Variants in DNER observed in about 807,000 individuals in gnomAD.
DNER encodes delta and Notch-like epidermal growth factor-related receptor.
DNER carries 33 observed loss-of-function variants against 78.2 expected under a neutral mutation model. The ratio of observed to expected loss-of-function variants is 0.42; its 90% CI spans 0.32 to 0.56. DNER has a LOEUF of 0.56. DNER is among the 20% of genes least tolerant of loss of function. The pLI is 0.11. For missense variants in DNER, 918 were observed against 975.3 expected (o/e 0.94, Z 0.78); for synonymous variants, 417 against 384.8 (o/e 1.08, Z -0.98).
At position 229,447,301 on chromosome 2, in the gene DNER, A is replaced by T; in HGVS notation, c.1486+15T>A. On this transcript the variant is annotated intron_variant, in intron 8 of 12. Coordinates refer to ENST00000341772, the MANE Select transcript of DNER (RefSeq NM_139072.4). Reference sequence around the variant, plus strand: ...TTGAGAAAAGGAAGATGTACTGTGTAGGGGCGGTACCCACCTGGATCACAG... The same window carrying T: ...TTGAGAAAAGGAAGATGTACTGTGTTGGGGCGGTACCCACCTGGATCACAG... The T allele has an allele frequency of 6.3e-7, 1 of 1,580,450 alleles. No homozygotes were observed. The highest frequency in any genetic ancestry group is 8.6e-7 in the Non-Finnish European group (1 of 1,162,202).
At chr2:229,369,931 C>A (rs1390107107) in intron 11 of DNER, among the ~76,000 whole-genome samples, 2 of 152,178 alleles carry the variant, frequency 1.3e-5, no homozygotes, top group Non-Finnish European at 1.5e-5. Context: ...ACTTCCCCAC[C>A]CACACCAGGA....
intron 8 of DNER, among the ~76,000 whole-genome samples, chr2:229,424,351 A>G (rs760753779): frequency 4.6e-5 from 7 of 152,394 alleles, no homozygotes; most frequent in Non-Finnish European, 7.3e-5. Context: ...AAAGCCATGT[A>G]GTCAATCCTG....
At chr2:229,358,772 G>C (rs1162572683) in intron 12 of DNER, 121 bp from the exon 13 acceptor site, 2 of 784,282 alleles carry the variant, frequency 2.6e-6, no homozygotes, top group Admixed American at 5.7e-5. Context: ...ATATTCTATA[G>C]CAAGCATAGA....
chr2:229,450,657 G>C (rs1694436612), intron 7 of DNER, among the ~76,000 whole-genome samples: 1 of 152,088 alleles, frequency 6.6e-6, no homozygotes, highest in African/African-American at 2.4e-5. Context: ...GCAGAGATCA[G>C]GACACAGAAA....
chr2:229,561,106 C>T (rs1300494132), intron 4 of DNER, among the ~76,000 whole-genome samples: 3 of 152,118 alleles, frequency 2.0e-5, no homozygotes, highest in Admixed American at 6.6e-5. Flanking sequence ...GAGCAAATTG[C>T]TTTTTGGAAA....
chr2:229,638,533 C>T (rs554758658), intron 1 of DNER, among the ~76,000 whole-genome samples: 1 of 152,160 alleles, frequency 6.6e-6, no homozygotes, highest in Non-Finnish European at 1.5e-5. Context: ...GCACAAATCT[C>T]CTTTTCAACC....
chr2:229,535,936 G>A (rs1202641874), intron 5 of DNER, among the ~76,000 whole-genome samples: 4 of 152,130 alleles, frequency 2.6e-5, no homozygotes, highest in Admixed American at 6.5e-5. Context: ...GAGCCACCAC[G>A]CCTGGCCCAG....
intron 6 of DNER, among the ~76,000 whole-genome samples, chr2:229,483,949 C>T (rs1695219027): frequency 6.6e-6 from 1 of 152,146 alleles, no homozygotes; most frequent in African/African-American, 2.4e-5. Context: ...CCCCAGGGCA[C>T]CTGTGTGCTC....
intron 4 of DNER, among the ~76,000 whole-genome samples, chr2:229,548,697 C>A (rs1696670113): frequency 6.6e-6 from 1 of 151,988 alleles, no homozygotes; most frequent in African/African-American, 2.4e-5. Context: ...ACCTATGTAA[C>A]CAAACTGCAC....
At chr2:229,387,118 C>T (rs1367187104) in intron 11 of DNER, among the ~76,000 whole-genome samples, 1 of 152,104 alleles carries the variant, frequency 6.6e-6, no homozygotes, top group Non-Finnish European at 1.5e-5. Context: ...AAATGTGGCA[C>T]ATATACACCA....
intron 5 of DNER, among the ~76,000 whole-genome samples, chr2:229,529,869 T>C (rs1339075508): frequency 6.6e-6 from 1 of 152,002 alleles, no homozygotes; most frequent in Non-Finnish European, 1.5e-5. Context: ...TAGCTGGGCA[T>C]AAGTTGGTAT....
rs192887215 is a variant in DNER, at chr2:229,550,494, T to C, written c.848-3402A>G. Among the ~76,000 whole-genome samples, 1,240 of 151,854 alleles carry C rather than the reference T, an allele frequency of 8.2e-3. 12 individuals are homozygous for C. The highest frequency in any genetic ancestry group is 0.029 in the African/African-American group (1,185 of 41,446). On this transcript the variant is annotated intron_variant, in intron 4 of 12. Transcript: ENST00000341772. ...ATTTGTTCTTATAAGTACGTTAAGT[T>C]GGCCGGGCGCAGTGGCTCATGCCTG...
chr2:229,473,014 A>G (rs1694955977), intron 7 of DNER, among the ~76,000 whole-genome samples: 2 of 152,232 alleles, frequency 1.3e-5, no homozygotes, highest in Admixed American at 1.3e-4. Flanking sequence ...GACAGTACCC[A>G]GAACAGATGT....
At chr2:229,360,358 A>G (rs1289979649) in intron 12 of DNER, among the ~76,000 whole-genome samples, 2 of 152,188 alleles carry the variant, frequency 1.3e-5, no homozygotes, top group African/African-American at 4.8e-5. Flanking sequence ...TAATTATTCG[A>G]TTGGTTGGCT....
Position 229,397,120 on chromosome 2 carries a change from C to G in DNER, c.1724-8724G>C, listed in dbSNP as rs538511822. Among the ~76,000 whole-genome samples, 7 of 152,184 alleles carry G rather than the reference C, an allele frequency of 4.6e-5. No individual in the cohort carries two copies. The South Asian group carries it at 1.5e-3, about 32-fold the overall frequency. On this transcript the variant is annotated intron_variant, in intron 10 of 12. Transcript: ENST00000341772. ...GAGTTCTGCTTTTGGAAAGATGGAGCAGATATATTTTCCCTATCCCTCCCA... is the reference window on the plus strand; with the variant it reads ...GAGTTCTGCTTTTGGAAAGATGGAGGAGATATATTTTCCCTATCCCTCCCA...
chr2:229,447,666 A>C, intron 7 of DNER, 126 bp from the exon 8 acceptor site: 1 of 1,073,196 alleles, frequency 9.3e-7, no homozygotes, highest in Non-Finnish European at 1.3e-6. Context: ...GATATGTCAC[A>C]ACCCAACAAG....
At chr2:229,361,093 C>T (rs1316233934) in intron 12 of DNER, among the ~76,000 whole-genome samples, 2 of 152,196 alleles carry the variant, frequency 1.3e-5, no homozygotes, top group African/African-American at 4.8e-5. Context: ...AGAAACACCA[C>T]AGTTTTAAAA....
intron 7 of DNER, among the ~76,000 whole-genome samples, chr2:229,458,367 A>G (rs1490054817): frequency 6.6e-6 from 1 of 151,920 alleles, no homozygotes; most frequent in Non-Finnish European, 1.5e-5. Flanking sequence ...GAGCTTCAAA[A>G]TACATGAAAG....
intron 1 of DNER, among the ~76,000 whole-genome samples, chr2:229,648,811 C>T (rs1239027023): frequency 6.6e-6 from 1 of 152,182 alleles, no homozygotes; most frequent in Non-Finnish European, 1.5e-5. Context: ...GATTCAAATG[C>T]AAAAAGCTAA....
Sources: allele counts gnomAD v4.1 joint callset (sites outside exome capture counted in the v4.1 genomes callset), GRCh38; gene constraint gnomAD v4.1.1; transcripts MANE v1.5; gene names NCBI Gene and HGNC (gene_info 2026-07-23, HGNC 2026-07-21).